Variants in LRRC36 observed in about 807,000 individuals in gnomAD.
The protein encoded by LRRC36 is leucine rich repeat containing 36.
Under a neutral mutation model 81.1 loss-of-function variants are expected in LRRC36, and 62 were observed. That is an observed-to-expected ratio of 0.76 (90% CI 0.62 to 0.94). The LOEUF (loss-of-function observed/expected upper bound fraction) is 0.94, where lower values mean the gene tolerates loss of function less well. Ranked by LOEUF, LRRC36 falls within the 40% of genes least tolerant of loss-of-function variation. LRRC36 has a pLI of 0.00. For missense variants in LRRC36, 761 were observed against 881.7 expected (o/e 0.86, Z 1.73); for synonymous variants, 334 against 348.6 (o/e 0.96, Z 0.47).
intron 7 of LRRC36, 116 bp downstream of exon 7, chr16:67,365,471 T>G: frequency 1.2e-6 from 1 of 864,844 alleles, no homozygotes; most frequent in Admixed American, 2.6e-5. Flanking sequence ...GTCAACTAAT[T>G]TCTGCTTTTG....
At chr16:67,364,959 C>T (rs2039316973) in intron 6 of LRRC36, among the ~76,000 whole-genome samples, 2 of 152,106 alleles carry the variant, frequency 1.3e-5, no homozygotes, top group African/African-American at 2.4e-5. Context: ...TGGTTGATAG[C>T]TTTATCAGCT....
chr16:67,382,092 C>A, intron 12 of LRRC36, 41 bp from the exon 13 acceptor site: 2 of 1,329,376 alleles, frequency 1.5e-6, no homozygotes, highest in African/African-American at 1.4e-5. Context: ...AGACTAGCAG[C>A]TTGGAATCCT....
At chr16:67,327,408 G>A (rs1053535695) in intron 1 of LRRC36, among the ~76,000 whole-genome samples, 1 of 151,988 alleles carries the variant, frequency 6.6e-6, no homozygotes, top group African/African-American at 2.4e-5. Context: ...CAGGAGAATC[G>A]CTTGAACCCG....
Position 67,375,310 on chromosome 16 carries a change from G to C in LRRC36, c.1558G>C (p.Ala520Pro), listed in dbSNP as rs1379653388. The change falls in exon 10 of 14, where the codon GCC (alanine) becomes CCC (proline). Residue 520 changes from alanine to proline, a missense_variant. This residue lies in a region of LRRC36 where 359 missense variants were observed against 388.4 expected (regional missense o/e 0.92). Transcript: ENST00000329956. ...TGGAAACCACAGTCCCCCCATCTCTGCCAGAACCCCCCATGTGGCCACTGT... is the reference window on the plus strand; with the variant it reads ...TGGAAACCACAGTCCCCCCATCTCTCCCAGAACCCCCCATGTGGCCACTGT... ...LAGNHSPPISARTPHVATVLR... is the reference protein window; with the variant it reads ...LAGNHSPPISPRTPHVATVLR... 2.5e-6 allele frequency: 4 copies of C among 1,610,618 alleles called. No individual in the cohort carries two copies. In the Admixed American group the frequency reaches 5.0e-5, roughly 20 times the overall value.
rs140765943 is a variant in LRRC36 at position 67,376,048 on chromosome 16, G to A, written c.1660+636G>A. Among the ~76,000 whole-genome samples, 536 of 152,276 alleles carry A rather than the reference G, an allele frequency of 3.5e-3. 1 individual carries two copies. Among genetic ancestry groups the A allele is most frequent in the African/African-American group, 0.012 (513 of 41,544 alleles). ...AACTTGGCTGGATGCGGTGACTAAC[G>A]CCTGTAATCCCAGCACTTTGGGAGG... On this transcript the variant is annotated intron_variant, in intron 10 of 13. Coordinates refer to ENST00000329956, the MANE Select transcript of LRRC36 (RefSeq NM_018296.6).
chr16:67,356,184 T>G (rs764405971), intron 5 of LRRC36, among the ~76,000 whole-genome samples: 4 of 152,198 alleles, frequency 2.6e-5, no homozygotes, highest in Non-Finnish European at 5.9e-5. Flanking sequence ...TATCTTATTC[T>G]AAAATAACAA....
chr16:67,331,108 AG>A (rs2037469000), intron 1 of LRRC36, among the ~76,000 whole-genome samples: 1 of 147,312 alleles, frequency 6.8e-6, no homozygotes, highest in Non-Finnish European at 1.5e-5. Flanking sequence ...AGAGAGAGAG[AG>A]AGAGAAGACT....
chr16:67,376,911 A>G, intron 11 of LRRC36, 39 bp downstream of exon 11: 3 of 1,569,534 alleles, frequency 1.9e-6, no homozygotes, highest in Non-Finnish European at 2.6e-6. Flanking sequence ...AGGACAGAGC[A>G]GCAGAACTAC....
chr16:67,361,374 A>C (rs886728911), intron 5 of LRRC36, among the ~76,000 whole-genome samples: 4 of 152,106 alleles, frequency 2.6e-5, no homozygotes, highest in East Asian at 1.9e-4. Context: ...AACAGTTTCC[A>C]AAGTGGCCAG....
intron 4 of LRRC36, among the ~76,000 whole-genome samples, chr16:67,349,037 T>A (rs954186071): frequency 1.3e-5 from 2 of 152,204 alleles, no homozygotes; most frequent in African/African-American, 4.8e-5. Flanking sequence ...GAATAGTCAC[T>A]CTTCTTTAGA....
chr16:67,359,032 C>G (rs2039033062), intron 5 of LRRC36, among the ~76,000 whole-genome samples: 1 of 152,136 alleles, frequency 6.6e-6, no homozygotes, highest in South Asian at 2.1e-4. Context: ...AAAGCAATGT[C>G]AAGGATGTGC....
Position 67,364,864 on chromosome 16 carries a change from C to G in LRRC36, c.703-440C>G, listed in dbSNP as rs186420757. 2.0e-5 allele frequency among the ~76,000 whole-genome samples: 3 copies of G among 152,192 alleles called. No homozygotes were observed. In the East Asian group the frequency reaches 5.8e-4, roughly 29 times the overall value. ...AAGATAATTTTTTTAAAAGCAAACC[C>G]TAGATGGCTTTCTGTTTTCCTTCAG... is the stretch of plus-strand genomic sequence containing the variant. On this transcript the variant is annotated intron_variant, in intron 6 of 13. Coordinates refer to ENST00000329956, the MANE Select transcript of LRRC36 (RefSeq NM_018296.6).
chr16:67,338,410 G>T (rs1198117384), intron 1 of LRRC36, among the ~76,000 whole-genome samples: 1 of 152,092 alleles, frequency 6.6e-6, no homozygotes, highest in Non-Finnish European at 1.5e-5. Context: ...CTTGAAATAT[G>T]TGAAAAAGTC....
chr16:67,342,299 G>A (rs761550172), intron 2 of LRRC36, among the ~76,000 whole-genome samples: 16 of 151,832 alleles, frequency 1.1e-4, no homozygotes, highest in African/African-American at 3.1e-4. Context: ...TTATACTCTC[G>A]GAAAACTATA....
At chr16:67,378,243 T>TTTTTTTTTTTA (rs2039980623) in intron 11 of LRRC36, among the ~76,000 whole-genome samples, 1 of 143,228 alleles carries the variant, frequency 7.0e-6, no homozygotes, top group Non-Finnish European at 1.5e-5. Flanking sequence ...TTCTTTTTTT[T>TTTTTTTTTTTA]TTTTTTTTTT....
intron 12 of LRRC36, among the ~76,000 whole-genome samples, chr16:67,380,120 G>A (rs979097732): frequency 6.6e-5 from 10 of 152,116 alleles, no homozygotes; most frequent in African/African-American, 2.4e-4. Context: ...ATGGAGCTGA[G>A]AGTCCTAATA....
rs760663802 is a variant in LRRC36, at chr16:67,384,915, G to C, written c.2091G>C (p.Lys697Asn). ...TNEYLLQQLN[K>N]EPKGYSGKAL... ...AGTATCTGCTGCAGCAGCTGAATAA[G>C]GAGCCAAAAGGTTATTCCGGGAAAG... The change falls in exon 14 of 14, where the codon AAG becomes AAC. Residue 697 changes from lysine (K) to asparagine (N), a missense_variant. This residue lies in a region of LRRC36 where 359 missense variants were observed against 388.4 expected (regional missense o/e 0.92). Coordinates refer to ENST00000329956, the MANE Select transcript of LRRC36 (RefSeq NM_018296.6). 1.2e-6 allele frequency: 2 copies of C among 1,614,200 alleles called. No homozygotes were observed. The highest frequency in any genetic ancestry group is 2.2e-5 in the South Asian group (2 of 91,084).
intron 12 of LRRC36, 36 bp downstream of exon 12, chr16:67,378,748 C>G: frequency 6.2e-7 from 1 of 1,606,718 alleles, no homozygotes; most frequent in Non-Finnish European, 8.5e-7. Context: ...TGAGGCCTCT[C>G]AAGACAACTG....
At chr16:67,359,948 C>G (rs1177828172) in intron 5 of LRRC36, among the ~76,000 whole-genome samples, 1 of 152,080 alleles carries the variant, frequency 6.6e-6, no homozygotes, top group Non-Finnish European at 1.5e-5. Flanking sequence ...CACAGTGAAA[C>G]CCCATCTTCA....
Sources: gnomAD v4.1 joint callset for allele counts (sites outside exome capture counted in the v4.1 genomes callset) on GRCh38, gnomAD v4.1.1 for gene constraint, gnomAD v4.1.1 regional missense constraint, MANE v1.5 for transcripts, NCBI Gene and HGNC (gene_info 2026-07-23, HGNC 2026-07-21) for gene names.